CHN1: variants seen among roughly 807,000 people sequenced by gnomAD.
CHN1 encodes chimerin 1, also known as N-chimaerin.
A neutral mutation model predicts 59.5 loss-of-function variants in CHN1; 37 were observed. The observed-to-expected ratio is 0.62, with a 90% CI of 0.48 to 0.82. The LOEUF (loss-of-function observed/expected upper bound fraction) is 0.82, where lower values mean the gene tolerates loss of function less well. Ranked by LOEUF, CHN1 falls within the 40% of genes least tolerant of loss-of-function variation. CHN1 has a pLI of 0.00. For missense variants in CHN1, 469 were observed against 571.0 expected (o/e 0.82, Z 1.82); for synonymous variants, 206 against 200.4 (o/e 1.03, Z -0.24).
At chr2:174,893,803 G>C (rs139170614) in intron 5 of CHN1, among the ~76,000 whole-genome samples, 1 of 152,218 alleles carries the variant, frequency 6.6e-6, no homozygotes, top group Non-Finnish European at 1.5e-5. Flanking sequence ...AGAGAACAGA[G>C]AGCTCAGATA....
At chr2:174,863,967 A>G (rs1383023348) in intron 6 of CHN1, among the ~76,000 whole-genome samples, 4 of 152,164 alleles carry the variant, frequency 2.6e-5, no homozygotes, top group African/African-American at 9.7e-5. Context: ...TTTATTTCTC[A>G]TAAGTACTAG....
At chr2:174,967,658 A>T (rs1690636109) in intron 1 of CHN1, among the ~76,000 whole-genome samples, 1 of 152,238 alleles carries the variant, frequency 6.6e-6, no homozygotes, top group South Asian at 2.1e-4. Context: ...AAAATAATCA[A>T]CTATACTTTT....
chr2:174,846,308 C>T (rs750583557), intron 7 of CHN1: 153 of 1,547,094 alleles, frequency 9.9e-5, no homozygotes, highest in Non-Finnish European at 8.8e-5. Context: ...ACTACACATA[C>T]GCATACATGG....
At position 174,962,677 on chromosome 2, in the gene CHN1, G is replaced by T. The variant is rs1396125648; in HGVS notation, c.20-10475C>A. Among the ~76,000 whole-genome samples, 11 of 84,270 alleles carry T rather than the reference G, an allele frequency of 1.3e-4. 2 individuals carry two copies. In the South Asian group the frequency reaches 2.3e-3, roughly 18 times the overall value. 55.3% of individuals were successfully genotyped at this position (84,270 alleles called of 152,430 possible). On this transcript the variant is annotated intron_variant, in intron 1 of 12. Transcript: ENST00000409900. ...TTTGGAAGGCCCGGGGGGGGGGGGG[G>T]GGGGGGCAGATCACCTGAGGTCAGG...
chr2:174,950,251 C>CT (rs1028113932), intron 2 of CHN1, among the ~76,000 whole-genome samples: 95 of 145,814 alleles, frequency 6.5e-4, no homozygotes, highest in East Asian at 3.2e-3. Flanking sequence ...CTATCTCTCT[C>CT]TTTTTTTTTT....
intron 1 of CHN1, among the ~76,000 whole-genome samples, chr2:174,952,961 C>T (rs888692407): frequency 2.6e-5 from 4 of 152,256 alleles, no homozygotes; most frequent in Admixed American, 6.5e-5. Flanking sequence ...CTTCTGGCTA[C>T]GCTGTGTGGC....
intron 12 of CHN1, among the ~76,000 whole-genome samples, chr2:174,800,926 C>T (rs555990880): frequency 4.6e-5 from 7 of 152,224 alleles, no homozygotes; most frequent in Non-Finnish European, 8.8e-5. Context: ...AAGGTTTTAA[C>T]TCATGGTGCT....
intron 1 of CHN1, among the ~76,000 whole-genome samples, chr2:174,992,971 T>C (rs1691589773): frequency 6.6e-6 from 1 of 152,080 alleles, no homozygotes; most frequent in East Asian, 1.9e-4. Context: ...TTATTTTTTG[T>C]AAAGATGAGA....
intron 12 of CHN1, among the ~76,000 whole-genome samples, 158 bp from the exon 13 acceptor site, chr2:174,800,445 C>A (rs756910332): frequency 2.6e-5 from 4 of 152,184 alleles, no homozygotes; most frequent in Non-Finnish European, 4.4e-5. Context: ...TACTGACTTT[C>A]CTTAAAGTAA....
intron 3 of CHN1, among the ~76,000 whole-genome samples, chr2:174,941,437 C>G (rs1414291919): frequency 2.0e-5 from 3 of 151,996 alleles, no homozygotes; most frequent in Admixed American, 2.0e-4. Flanking sequence ...AAACTAATAC[C>G]ACAGTATACT....
intron 5 of CHN1, among the ~76,000 whole-genome samples, chr2:174,901,633 G>A (rs1189483939): frequency 6.6e-6 from 1 of 151,954 alleles, no homozygotes; most frequent in Non-Finnish European, 1.5e-5. Flanking sequence ...GTTTTTCCTT[G>A]TATCTCCAGC....
At chr2:174,903,013 T>G (rs1688436576) in intron 5 of CHN1, among the ~76,000 whole-genome samples, 1 of 152,214 alleles carries the variant, frequency 6.6e-6, no homozygotes. Context: ...CAATAGTTTC[T>G]TCACACAAAA....
At chr2:174,824,826 G>A (rs1397877286) in intron 7 of CHN1, among the ~76,000 whole-genome samples, 3 of 152,136 alleles carry the variant, frequency 2.0e-5, no homozygotes, top group African/African-American at 7.2e-5. Context: ...GCTCAGGCTA[G>A]TCTTGAACTT....
intron 6 of CHN1, among the ~76,000 whole-genome samples, chr2:174,868,917 T>TA (rs1465014467): frequency 6.6e-6 from 1 of 152,212 alleles, no homozygotes. Flanking sequence ...GCAGAAATGA[T>TA]AGTTTTTCTC....
chr2:174,991,744 T>C (rs752555604), intron 1 of CHN1, among the ~76,000 whole-genome samples: 2 of 152,166 alleles, frequency 1.3e-5, no homozygotes, highest in Non-Finnish European at 2.9e-5. Flanking sequence ...TATAAAGCAA[T>C]AGAATAACTT....
chr2:174,851,212 T>C (rs2600691), intron 6 of CHN1, among the ~76,000 whole-genome samples: 9,552 of 152,264 alleles, frequency 0.063, 970 homozygotes, highest in African/African-American at 0.22. Flanking sequence ...TCATTCTTGA[T>C]AGAAACATTA....
chr2:174,935,053 T>C (rs939949570), intron 3 of CHN1, among the ~76,000 whole-genome samples: 1 of 152,256 alleles, frequency 6.6e-6, no homozygotes, highest in Non-Finnish European at 1.5e-5. Context: ...TTCACTTCTA[T>C]AGTCTAAACT....
Position 175,005,320 on chromosome 2 carries a change from G to A in CHN1, c.-408C>T. ...GCAGCAGCCTCGCACAGCCCCCGGC[G>A]GGGCGCGCTCACTCCGCATCCCGCG... is the stretch of plus-strand genomic sequence containing the variant. On this transcript the variant is annotated 5_prime_UTR_variant, in exon 1 of 13. Coordinates refer to ENST00000409900, the MANE Select transcript of CHN1 (RefSeq NM_001822.7). 2 of 1,179,568 alleles carry A rather than the reference G, an allele frequency of 1.7e-6. No homozygotes were observed. The highest frequency in any genetic ancestry group is 1.7e-5 in the South Asian group (1 of 58,270). The allele number at this position is 1,179,568 out of a possible 1,614,324, so 73.1% of individuals were successfully genotyped here. A position where few individuals can be genotyped will look rare whatever the true frequency, so the allele number is the denominator to read the frequency against.
At chr2:174,915,707 T>C (rs892537051) in intron 4 of CHN1, among the ~76,000 whole-genome samples, 8 of 152,130 alleles carry the variant, frequency 5.3e-5, no homozygotes. Flanking sequence ...ACTATAATAC[T>C]TGTTTTCATT....
Sources: gnomAD v4.1 joint callset for allele counts (sites outside exome capture counted in the v4.1 genomes callset) on GRCh38, gnomAD v4.1.1 for gene constraint, MANE v1.5 for transcripts, NCBI Gene and HGNC (gene_info 2026-07-23, HGNC 2026-07-21) for gene names.